The following GABRB1 variants were observed in gnomAD, a reference collection of about 807,000 sequenced individuals.
The protein encoded by GABRB1 is gamma-aminobutyric acid type A receptor subunit beta1.
A neutral mutation model predicts 51.6 loss-of-function variants in GABRB1; 17 were observed. The observed-to-expected ratio is 0.33, with a 90% CI of 0.23 to 0.49. GABRB1 has a LOEUF of 0.49. Among genes scored for constraint, GABRB1 ranks in the 20% least tolerant of loss-of-function variants. The pLI, the probability that GABRB1 is intolerant of heterozygous loss-of-function variation, is 0.99. For missense variants in GABRB1, 410 were observed against 600.6 expected, an observed-to-expected ratio of 0.68 and a Z score of 3.32; for synonymous variants, 247 against 218.9, an observed-to-expected ratio of 1.13 and a Z score of -1.14.
intron 3 of GABRB1, among the ~76,000 whole-genome samples, chr4:47,138,970 A>G (rs1367894505): frequency 1.3e-5 from 2 of 152,070 alleles, no homozygotes; most frequent in Non-Finnish European, 2.9e-5. Flanking sequence ...GCTTCCAAAC[A>G]TTTGGGATGA....
chr4:47,391,130 C>G (rs565490786), intron 5 of GABRB1, among the ~76,000 whole-genome samples: 9 of 152,184 alleles, frequency 5.9e-5, no homozygotes, highest in Admixed American at 1.3e-4. Flanking sequence ...GAGCCAGGAT[C>G]ACCCCACTGC....
At chr4:47,056,516 T>C (rs751328443) in intron 3 of GABRB1, among the ~76,000 whole-genome samples, 4 of 152,174 alleles carry the variant, frequency 2.6e-5, no homozygotes, top group Non-Finnish European at 5.9e-5. Context: ...CAATCGTTTT[T>C]TTCTCTACCT....
intron 3 of GABRB1, among the ~76,000 whole-genome samples, chr4:47,106,541 A>C (rs1280020823): frequency 6.6e-6 from 1 of 152,100 alleles, no homozygotes; most frequent in African/African-American, 2.4e-5. Context: ...TTCCATTAAG[A>C]CTAAAGTTTT....
chr4:47,004,380 T>TA (rs1432761611), intron 1 of GABRB1, among the ~76,000 whole-genome samples: 2 of 152,226 alleles, frequency 1.3e-5, no homozygotes, highest in Non-Finnish European at 2.9e-5. Flanking sequence ...ACGAGACACT[T>TA]ATGTCAAGAT....
chr4:47,373,128 T>C (rs1006840467), intron 5 of GABRB1, among the ~76,000 whole-genome samples: 2 of 152,180 alleles, frequency 1.3e-5, no homozygotes, highest in African/African-American at 4.8e-5. Context: ...CCCAGTGAAG[T>C]AGTGTGTCCT....
At chr4:47,332,059 G>T (rs1031637164) in intron 5 of GABRB1, among the ~76,000 whole-genome samples, 1 of 152,208 alleles carries the variant, frequency 6.6e-6, no homozygotes, top group Non-Finnish European at 1.5e-5. Context: ...TGAGAAGAAA[G>T]CACATTTTAA....
At chr4:47,130,564 T>C (rs1033343384) in intron 3 of GABRB1, among the ~76,000 whole-genome samples, 1 of 152,106 alleles carries the variant, frequency 6.6e-6, no homozygotes, top group African/African-American at 2.4e-5. Flanking sequence ...TCCTGACCAT[T>C]TGCCTCCCCC....
At chr4:47,164,203 G>T (rs1468093145) in intron 4 of GABRB1, among the ~76,000 whole-genome samples, 1 of 152,028 alleles carries the variant, frequency 6.6e-6, no homozygotes, top group Non-Finnish European at 1.5e-5. Context: ...TTCAAGATGA[G>T]ATTTGGGTGC....
chr4:47,389,110 C>T (rs1727897849), intron 5 of GABRB1, among the ~76,000 whole-genome samples: 1 of 152,200 alleles, frequency 6.6e-6, no homozygotes, highest in African/African-American at 2.4e-5. Context: ...GGCAGGCACA[C>T]TTGGGGAAGT....
intron 4 of GABRB1, among the ~76,000 whole-genome samples, chr4:47,315,410 G>A (rs1453148907): frequency 6.6e-6 from 1 of 151,946 alleles, no homozygotes; most frequent in Non-Finnish European, 1.5e-5. Flanking sequence ...AGAGAAAAAG[G>A]AAAATTTATA....
At chr4:47,424,271 G>A (rs1729190014) in intron 8 of GABRB1, among the ~76,000 whole-genome samples, 1 of 152,206 alleles carries the variant, frequency 6.6e-6, no homozygotes, top group Non-Finnish European at 1.5e-5. Flanking sequence ...TAATATCAGG[G>A]CTGGCACTTA....
At chr4:47,021,563 C>A (rs28517884) in intron 1 of GABRB1, among the ~76,000 whole-genome samples, 1 of 152,004 alleles carries the variant, frequency 6.6e-6, no homozygotes, top group Non-Finnish European at 1.5e-5. Context: ...CAATAATGTG[C>A]GGTCTTCTCT....
chr4:47,162,301 A>T (rs541257805), intron 4 of GABRB1, among the ~76,000 whole-genome samples: 36 of 152,086 alleles, frequency 2.4e-4, no homozygotes, highest in Non-Finnish European at 4.9e-4. Context: ...TCCGTCAGAC[A>T]TGCCCAATGT....
chr4:47,349,112 A>G (rs1417867467), intron 5 of GABRB1, among the ~76,000 whole-genome samples: 1 of 152,122 alleles, frequency 6.6e-6, no homozygotes, highest in South Asian at 2.1e-4. Flanking sequence ...AATTTTGGAC[A>G]TTTTGATGTA....
At chr4:47,137,237 G>A (rs1219676319) in intron 3 of GABRB1, among the ~76,000 whole-genome samples, 1 of 152,076 alleles carries the variant, frequency 6.6e-6, no homozygotes, top group East Asian at 1.9e-4. Context: ...CAGAGCTGCA[G>A]TAGAAGAAGG....
intron 3 of GABRB1, among the ~76,000 whole-genome samples, chr4:47,041,155 C>A (rs1383483136): frequency 6.6e-6 from 1 of 151,994 alleles, no homozygotes; most frequent in African/African-American, 2.4e-5. Flanking sequence ...ACAGGCAGGG[C>A]AAATGAGGCT....
intron 5 of GABRB1, among the ~76,000 whole-genome samples, chr4:47,337,583 TCA>T (rs1725743661): frequency 6.6e-6 from 1 of 151,780 alleles, no homozygotes; most frequent in South Asian, 2.1e-4. Context: ...GGCAGGTGGA[TCA>T]CTTGAGGTCA....
At chr4:47,383,082 A>G (rs1727650030) in intron 5 of GABRB1, among the ~76,000 whole-genome samples, 1 of 152,212 alleles carries the variant, frequency 6.6e-6, no homozygotes, top group East Asian at 1.9e-4. Flanking sequence ...CAGCTTTACA[A>G]CATTCTATTC....
chr4:47,007,895 A>ATATATATATATATATATAT (rs375965914), intron 1 of GABRB1, among the ~76,000 whole-genome samples: 498 of 17,362 alleles, frequency 0.029, 25 homozygotes, highest in Middle Eastern at 0.071. Flanking sequence ...TATATATATA[A>ATATATATATATATATATAT]AATCAAGTTT....
Sources: allele counts gnomAD v4.1 joint callset (sites outside exome capture counted in the v4.1 genomes callset), GRCh38; gene constraint gnomAD v4.1.1; transcripts MANE v1.5; gene names NCBI Gene and HGNC (gene_info 2026-07-23, HGNC 2026-07-21).